MDC1: variants seen among roughly 807,000 people sequenced by gnomAD.
The protein encoded by MDC1 is mediator of DNA damage checkpoint 1, also known as mediator of DNA damage checkpoint protein 1.
In MDC1, 81 loss-of-function variants were observed where a neutral mutation model predicts 142.5. The ratio of observed to expected loss-of-function variants is 0.57; its 90% CI spans 0.47 to 0.68. The LOEUF is 0.68. MDC1 is among the 30% of genes least tolerant of loss of function. MDC1 has a pLI of 0.00. For missense variants in MDC1, 2,119 were observed against 2,547.9 expected (o/e 0.83, Z 3.62); for synonymous variants, 797 against 968.4 (o/e 0.82, Z 3.29).
chr6:30,713,762 A>T lies in MDC1; in HGVS notation c.517+41T>A. 6.2e-7 allele frequency: 1 copy of T among 1,613,736 alleles called. No homozygotes were observed. Among genetic ancestry groups the T allele is most frequent in the African/African-American group, 1.3e-5 (1 of 75,014 alleles). On this transcript the variant is annotated intron_variant, in intron 3 of 14. Transcript: ENST00000376406. The surrounding 1 kb of genome is among the most constrained non-coding windows in gnomAD (Gnocchi z 4.9). ...ATGAGTTGACAATTGTACACTCATT[A>T]TTCCTGTCTCCTCATTCTCCCTGCC...
rs1351080720 is a variant in MDC1 at position 30,707,973 on chromosome 6, G to C, written c.2606C>G (p.Thr869Ser). The change falls in exon 8 of 15, where the codon ACC becomes AGC. Residue 869 changes from threonine to serine, a missense_variant. Transcript: ENST00000376406. Reference sequence around the variant, plus strand: ...ATTTTTGTCAGATTCTTGTCTCTGGGTGTCTCTAGCTAACAACTGTTTTTG... The same window carrying C: ...ATTTTTGTCAGATTCTTGTCTCTGGCTGTCTCTAGCTAACAACTGTTTTTG... Reference protein sequence around the residue: ...REQKQLLARDTQRQESDKNGE... With the variant: ...REQKQLLARDSQRQESDKNGE... The C allele has an allele frequency of 1.2e-6, 2 of 1,612,846 alleles. No individual in the cohort carries two copies. Among genetic ancestry groups the C allele is most frequent in the Non-Finnish European group, 1.7e-6 (2 of 1,180,020 alleles).
rs1329916764 is a variant in MDC1 at position 30,712,405 on chromosome 6, T to C, written c.1537A>G (p.Ser513Gly). 3.1e-6 allele frequency: 5 copies of C among 1,613,014 alleles called. No homozygotes were observed. The highest frequency in any genetic ancestry group is 2.2e-5 in the South Asian group (2 of 91,096). Residue 513 changes from serine (S) to glycine (G), a missense_variant, in exon 5 of 15, where the codon AGC becomes GGC. Coordinates refer to ENST00000376406, the MANE Select transcript of MDC1 (RefSeq NM_014641.3). The surrounding 1 kb of genome is among the most constrained non-coding windows in gnomAD (Gnocchi z 4.7). ...ATGTCCACTGTGGTGGAGGCTTGGC[T>C]TCTCTCCAGGTGGATCCCAGGTGAG... ...KSSPGIHLERSQASTTVDINT... is the reference protein window; with the variant it reads ...KSSPGIHLERGQASTTVDINT...
Position 30,713,597 on chromosome 6 carries a change from CT to C in MDC1, c.587+50del. ...CTTTTAGAGATTGATCCTCCAGCCCCTGGTTCTTCCTCATTTTGAAGACTCA... is the reference window on the plus strand; with the variant it reads ...CTTTTAGAGATTGATCCTCCAGCCCCGGTTCTTCCTCATTTTGAAGACTCA... On this transcript the variant is annotated intron_variant, in intron 4 of 14. Transcript: ENST00000376406. This position sits in a 1 kb window ranked among gnomAD's most constrained non-coding sequence, Gnocchi z 4.9. The C allele has an allele frequency of 1.9e-6, 3 of 1,559,288 alleles. No homozygotes were observed. The highest frequency in any genetic ancestry group is 2.6e-6 in the Non-Finnish European group (3 of 1,135,334).
rs78556678 is a variant in MDC1 at position 30,705,948 on chromosome 6, G to A, written c.3235C>T (p.Arg1079Cys). Residue 1079 changes from arginine (R) to cysteine (C), a missense_variant, in exon 10 of 15, where the codon CGT becomes TGT. By Grantham distance (180) the Arg-to-Cys change is radical. Transcript: ENST00000376406. ...PLLPSIKPTVRKTRQDGSQEA... is the reference protein window; with the variant it reads ...PLLPSIKPTVCKTRQDGSQEA... The stretch of plus-strand genomic sequence containing the variant: ...TGACTCCCATCTTGCCTGGTCTTAC[G>A]AACGGTTGGCTTGATAGAAGGTAAA... 581 of 1,613,926 alleles carry A rather than the reference G, an allele frequency of 3.6e-4. 11 individuals are homozygous for A. In the East Asian group the frequency reaches 0.012, roughly 35 times the overall value.
chr6:30,700,355 G>C lies in MDC1; in HGVS notation c.*110C>G. 9.0e-7 allele frequency: 1 copy of C among 1,111,482 alleles called. No homozygotes were observed. The highest frequency in any genetic ancestry group is 2.6e-5 in the East Asian group (1 of 39,152). The allele number at this position is 1,111,482 out of a possible 1,614,324, so 68.9% of individuals were successfully genotyped here. On this transcript the variant is annotated 3_prime_UTR_variant, in exon 15 of 15. Transcript: ENST00000376406. ...CATAAAGATTTCTGGTCCCACCCATGTTCCAGGACAAGTTGTATCAATATA... is the reference window on the plus strand; with the variant it reads ...CATAAAGATTTCTGGTCCCACCCATCTTCCAGGACAAGTTGTATCAATATA...
intron 7 of MDC1, among the ~76,000 whole-genome samples, chr6:30,711,101 G>A (rs1166479396): frequency 5.9e-5 from 9 of 152,234 alleles, no homozygotes; most frequent in Admixed American, 3.9e-4. Context: ...CAGGCCGGGC[G>A]CAGTGGCTTA....
Position 30,714,147 on chromosome 6 carries a change from C to G in MDC1, c.173G>C (p.Arg58Pro). 6.2e-7 allele frequency: 1 copy of G among 1,611,200 alleles called. No individual in the cohort carries two copies. ...CAGGGCCACAGAGCAGTCAGGCATT[C>G]GGCCTACCACATTCTTCCCGAGGTG... The part of the protein sequence containing the change: ...PLHLGKNVVG[R>P]MPDCSVALPF... Residue 58 changes from arginine to proline, a missense_variant, in exon 3 of 15, where the codon CGA becomes CCA. Coordinates refer to ENST00000376406, the MANE Select transcript of MDC1 (RefSeq NM_014641.3).
rs1414597633 is a variant in MDC1 at position 30,704,298 on chromosome 6, C to T, written c.4885G>A (p.Val1629Ile). 1 of 1,613,210 alleles carries T rather than the reference C, an allele frequency of 6.2e-7. No individual in the cohort carries two copies. Among genetic ancestry groups the T allele is most frequent in the Non-Finnish European group, 8.5e-7 (1 of 1,179,628 alleles). ...PHPTTSTDQP[V>I]TPKLTSRATR... ...GCCCTAGATGTGAGCTTGGGGGTGA[C>T]AGGCTGGTCTGTGGAGGTGGTAGGA... The change falls in exon 10 of 15, where the codon GTC becomes ATC. Residue 1629 changes from valine (V) to isoleucine (I), a missense_variant. Transcript: ENST00000376406.
chr6:30,703,158 G>A lies in MDC1; in HGVS notation c.5811C>T (p.Phe1937=), dbSNP rs1309507276. 3 of 1,613,104 alleles carry A rather than the reference G, an allele frequency of 1.9e-6. No homozygotes were observed. Among genetic ancestry groups the A allele is most frequent in the African/African-American group, 1.3e-5 (1 of 75,050 alleles). ...GGATTCCCCGCCCCAGGGCACACAG[G>A]AACTTGACTGTCCGGCGGATGCGAT... is the stretch of plus-strand genomic sequence containing the variant. The part of the protein sequence containing the change: ...VTDRIRRTVK[F]LCALGRGIPI... The change falls in exon 12 of 15, where the codon TTC becomes TTT. Residue 1937 remains phenylalanine, a synonymous_variant. Coordinates refer to ENST00000376406, the MANE Select transcript of MDC1 (RefSeq NM_014641.3). This position sits in a 1 kb window ranked among gnomAD's most constrained non-coding sequence, Gnocchi z 4.4.
rs2127647072 is a variant in MDC1, at chr6:30,700,648, C to A, written c.6103-16G>T. 1 of 1,611,958 alleles carries A rather than the reference C, an allele frequency of 6.2e-7. No homozygotes were observed. The highest frequency in any genetic ancestry group is 8.5e-7 in the Non-Finnish European group (1 of 1,179,248). On this transcript the variant is annotated splice_polypyrimidine_tract_variant and intron_variant, in intron 14 of 14. Coordinates refer to ENST00000376406, the MANE Select transcript of MDC1 (RefSeq NM_014641.3). The stretch of plus-strand genomic sequence containing the variant: ...CTCTCTGAGGCTGGGGAAGACAGAG[C>A]AAAGGCAAAATCAGGTGAAAAAGAA...
rs760314955 is a variant in MDC1 at position 30,703,291 on chromosome 6, G to A, written c.5683-5C>T. 1.2e-6 allele frequency: 2 copies of A among 1,610,656 alleles called. No homozygotes were observed. The highest frequency in any genetic ancestry group is 2.2e-5 in the East Asian group (1 of 44,816). The stretch of plus-strand genomic sequence containing the variant: ...CACCACTCCTGTGAAGAGCACCTGT[G>A]GAAGGGTTGACCTGAGGTGGTTACG... On this transcript the variant is annotated splice_region_variant and splice_polypyrimidine_tract_variant and intron_variant, in intron 11 of 14. Transcript: ENST00000376406. The surrounding 1 kb of genome is among the most constrained non-coding windows in gnomAD (Gnocchi z 4.4).
chr6:30,704,790 C>G lies in MDC1; in HGVS notation c.4393G>C (p.Val1465Leu), dbSNP rs142364168. 576 of 1,612,632 alleles carry G rather than the reference C, an allele frequency of 3.6e-4. No individual in the cohort carries two copies. The highest frequency in any genetic ancestry group is 5.4e-4 in the South Asian group (49 of 91,006). The change falls in exon 10 of 15, where the codon GTT becomes CTT. Residue 1465 changes from valine (V) to leucine (L), a missense_variant. By Grantham distance (32) the Val-to-Leu change is conservative. Transcript: ENST00000376406. ...LQPSTSTDQP[V>L]TPEPTSQATR... is the part of the protein sequence containing the mutation. ...GCCTGAGACGTAGGCTCAGGGGTAA[C>G]AGGCTGGTCTGTGGAGGTGGAAGGC... is the stretch of plus-strand genomic sequence containing the variant.
Position 30,711,700 on chromosome 6 carries a change from T to C in MDC1, c.2095A>G (p.Thr699Ala). ...CCCTGATTCTCCAGAAAGCACTGGG[T>C]AGCTTGTAGGTCCAGATCTTCAGAA... ...GDSEDLDLQA[T>A]QCFLENQGLE... Residue 699 changes from threonine (T) to alanine (A), a missense_variant, in exon 6 of 15, where the codon ACC becomes GCC. Thr to Ala is a moderately conservative substitution (Grantham distance 58, BLOSUM62 0). Transcript: ENST00000376406. 2 of 1,612,970 alleles carry C rather than the reference T, an allele frequency of 1.2e-6. No individual in the cohort carries two copies. The highest frequency in any genetic ancestry group is 1.7e-6 in the Non-Finnish European group (2 of 1,179,968).
Position 30,705,766 on chromosome 6 carries a change from G to C in MDC1, c.3417C>G (p.Pro1139=). ...PSTSTAQPVT[P]KPTSQATRSR... ...TCCTAGTGGCCTGAGATGTGGGCTT[G>C]GGAGTGACTGGCTGGGCTGTGGAGG... Residue 1139 remains proline, a synonymous_variant, in exon 10 of 15, where the codon CCC becomes CCG. Transcript: ENST00000376406. The C allele has an allele frequency of 6.2e-7, 1 of 1,612,534 alleles. No homozygotes were observed. Among genetic ancestry groups the C allele is most frequent in the Non-Finnish European group, 8.5e-7 (1 of 1,179,262 alleles).
In MDC1 at chr6:30,704,623, AT is replaced by A. The variant is rs753948048; in HGVS notation, c.4559del (p.Asn1520IlefsTer55). The A allele has an allele frequency of 7.5e-6, 12 of 1,605,790 alleles. No homozygotes were observed. The highest frequency in any genetic ancestry group is 1.0e-5 in the Non-Finnish European group (12 of 1,177,298). On this transcript the variant is annotated frameshift_variant, in exon 10 of 15. Coordinates refer to ENST00000376406, the MANE Select transcript of MDC1 (RefSeq NM_014641.3). LOFTEE classifies it high-confidence loss of function. ...TTTCAGGGGTCTTGACAGAGGACCG[AT>A]TTTTTCTTCCCCTAGTGGTCCGAGA... The part of the protein sequence containing the change: ...PTSRTTRGRK[N>X]RSSVKTPETV...
rs188187242 is a variant in MDC1, at chr6:30,710,923, T to G, written c.2221+489A>C. Among the ~76,000 whole-genome samples, 4 of 152,250 alleles carry G rather than the reference T, an allele frequency of 2.6e-5. No individual in the cohort carries two copies. The East Asian group carries it at 7.7e-4, about 29-fold the overall frequency. ...GGTGCTCACTACTATGCTGGGCTAA[T>G]TTTTTCATTTTTGTGGAGACCAGGT... is the stretch of plus-strand genomic sequence containing the variant. On this transcript the variant is annotated intron_variant, in intron 7 of 14. Coordinates refer to ENST00000376406, the MANE Select transcript of MDC1 (RefSeq NM_014641.3).
rs756557914 is a variant in MDC1, at chr6:30,705,794, G to A, written c.3389C>T (p.Ser1130Phe). 6.2e-7 allele frequency: 1 copy of A among 1,613,150 alleles called. No homozygotes were observed. ...AGTGACTGGCTGGGCTGTGGAGGTG[G>A]AAGGGTGGGGCTCAGGGGCAGCAGA... ...ATSAAPEPHPSTSTAQPVTPK... is the reference protein window; with the variant it reads ...ATSAAPEPHPFTSTAQPVTPK... Residue 1130 changes from serine (S) to phenylalanine (F), a missense_variant, in exon 10 of 15, where the codon TCC becomes TTC. Transcript: ENST00000376406.
chr6:30,703,698 T>A lies in MDC1; in HGVS notation c.5485A>T (p.Arg1829Ter). Residue 1829 changes from arginine to a stop codon, truncating the protein, a stop_gained, in exon 10 of 15, where the codon AGA becomes TGA. Transcript: ENST00000376406. LOFTEE classifies it high-confidence loss of function. The surrounding 1 kb of genome is among the most constrained non-coding windows in gnomAD (Gnocchi z 4.4). ...ACTGTCTTCTGGGAGACTTCCCCTC[T>A]TTGGGGCTGTTTTTGATGTGGTGGT... ...DSPPHQKQPQRGEVSQKTVII... is the reference protein window; with the variant it reads ...DSPPHQKQPQ 2.6e-6 allele frequency: 4 copies of A among 1,542,174 alleles called. No individual in the cohort carries two copies. The highest frequency in any genetic ancestry group is 3.5e-6 in the Non-Finnish European group (4 of 1,149,262).
At position 30,713,477 on chromosome 6, in the gene MDC1, T is replaced by C; in HGVS notation, c.588-123A>G. ...TATTTCTTCTTCTGTTTCCAATTTG[T>C]TTTCCACTTGGCACATCAGATGTGC... On this transcript the variant is annotated intron_variant, in intron 4 of 14. Transcript: ENST00000376406. This position sits in a 1 kb window ranked among gnomAD's most constrained non-coding sequence, Gnocchi z 4.9. 7.6e-7 allele frequency: 1 copy of C among 1,314,808 alleles called. No individual in the cohort carries two copies. Among genetic ancestry groups the C allele is most frequent in the Non-Finnish European group, 1.0e-6 (1 of 977,686 alleles). 81.4% of individuals were successfully genotyped at this position (1,314,808 alleles called of 1,614,324 possible). A position where few individuals can be genotyped will look rare whatever the true frequency, so the allele number is the denominator to read the frequency against.
Sources: gnomAD v4.1 joint callset for allele counts (sites outside exome capture counted in the v4.1 genomes callset) on GRCh38, gnomAD v4.1.1 for gene constraint, Gnocchi (gnomAD v3.1) non-coding constraint, MANE v1.5 for transcripts, NCBI Gene and HGNC (gene_info 2026-07-23, HGNC 2026-07-21) for gene names.